The following SYT10 variants were observed in gnomAD, a reference collection of about 807,000 sequenced individuals.
The protein encoded by SYT10 is synaptotagmin 10, also known as synaptotagmin-10.
In SYT10, 31 loss-of-function variants were observed where a neutral mutation model predicts 51.1. The observed-to-expected ratio is 0.61, with a 90% CI of 0.46 to 0.82. SYT10 has a LOEUF of 0.82. SYT10 is among the 40% of genes least tolerant of loss of function. SYT10 has a pLI of 0.00. For missense variants in SYT10, 603 were observed against 634.0 expected (o/e 0.95, Z 0.53); for synonymous variants, 233 against 225.9 (o/e 1.03, Z -0.28).
At position 33,424,102 on chromosome 12, in the gene SYT10, C is replaced by T. The variant is rs149958506; in HGVS notation, c.509+2036G>A. 12 of 425,860 alleles carry T rather than the reference C, an allele frequency of 2.8e-5. 1 individual carries two copies. The highest frequency in any genetic ancestry group is 2.1e-4 in the African/African-American group (10 of 48,664). 26.4% of individuals were successfully genotyped at this position (425,860 alleles called of 1,614,324 possible). The stretch of plus-strand genomic sequence containing the variant: ...ATGTGTGTTGCAGTTTTTCCTCTTA[C>T]AAAATATCAGATATATACAATCTAA... On this transcript the variant is annotated intron_variant, in intron 2 of 6. Transcript: ENST00000228567.
At position 33,406,994 on chromosome 12, in the gene SYT10, G is replaced by A. The variant is rs1460713232; in HGVS notation, c.872C>T (p.Thr291Ile). Residue 291 changes from threonine to isoleucine, a missense_variant, in exon 3 of 7, where the codon ACT becomes ATT. By Grantham distance (89) the Thr-to-Ile change is moderately conservative. Coordinates refer to ENST00000228567, the MANE Select transcript of SYT10 (RefSeq NM_198992.4). ...AGTTTCATCAAATAGAGGATTTAAAGTCTTTCTGTGCACGCGGGTCTGAAA... is the reference window on the plus strand; with the variant it reads ...AGTTTCATCAAATAGAGGATTTAAAATCTTTCTGTGCACGCGGGTCTGAAA... Reference protein sequence around the residue: ...KKFQTRVHRKTLNPLFDETFQ... With the variant: ...KKFQTRVHRKILNPLFDETFQ... The A allele has an allele frequency of 3.7e-6, 6 of 1,614,038 alleles. No homozygotes were observed. The highest frequency in any genetic ancestry group is 5.1e-6 in the Non-Finnish European group (6 of 1,180,038).
chr12:33,427,002 T>A (rs1299364048), intron 1 of SYT10, among the ~76,000 whole-genome samples: 3 of 152,204 alleles, frequency 2.0e-5, no homozygotes. Flanking sequence ...TTAGTTACAT[T>A]TTTCAACCTC....
intron 1 of SYT10, among the ~76,000 whole-genome samples, chr12:33,437,786 C>T (rs989129017): frequency 6.6e-6 from 1 of 152,084 alleles, no homozygotes; most frequent in African/African-American, 2.4e-5. Context: ...TGAGGTCACA[C>T]TATTCTGGTC....
chr12:33,392,884 G>A (rs1378202340), intron 3 of SYT10, among the ~76,000 whole-genome samples: 1 of 141,772 alleles, frequency 7.1e-6, no homozygotes, highest in Non-Finnish European at 1.5e-5. Context: ...CACTGTTTAA[G>A]AATGCCCACG....
intron 1 of SYT10, among the ~76,000 whole-genome samples, chr12:33,439,111 G>A (rs1866661724): frequency 6.6e-6 from 1 of 152,220 alleles, no homozygotes; most frequent in South Asian, 2.1e-4. Flanking sequence ...CGGCGAGGCT[G>A]GGAGCGGGAG....
chr12:33,393,233 T>G (rs1255896025), intron 3 of SYT10, among the ~76,000 whole-genome samples: 1 of 152,066 alleles, frequency 6.6e-6, no homozygotes, highest in African/African-American at 2.4e-5. Context: ...ACATAGATAC[T>G]GAGACAAGTG....
At chr12:33,406,600 T>C (rs151316189) in intron 3 of SYT10, among the ~76,000 whole-genome samples, 189 bp downstream of exon 3, 1 of 152,276 alleles carries the variant, frequency 6.6e-6, no homozygotes, top group African/African-American at 2.4e-5. Flanking sequence ...ACACAATCAC[T>C]AGGGTTACTA....
chr12:33,394,912 C>T (rs1041981435), intron 3 of SYT10, among the ~76,000 whole-genome samples: 1 of 152,148 alleles, frequency 6.6e-6, no homozygotes, highest in South Asian at 2.1e-4. Flanking sequence ...ATGGTGAAAC[C>T]CTGTCTCTAC....
At chr12:33,393,667 T>C (rs1490727577) in intron 3 of SYT10, among the ~76,000 whole-genome samples, 1 of 152,134 alleles carries the variant, frequency 6.6e-6, no homozygotes, top group Non-Finnish European at 1.5e-5. Context: ...TAGCCTCAAA[T>C]GTCACTCAGA....
At chr12:33,429,863 T>C (rs1866582758) in intron 1 of SYT10, among the ~76,000 whole-genome samples, 1 of 152,070 alleles carries the variant, frequency 6.6e-6, no homozygotes, top group Non-Finnish European at 1.5e-5. Context: ...TAAGTTGAAG[T>C]AGAGAAGATC....
At chr12:33,435,467 G>C (rs1472142792) in intron 1 of SYT10, among the ~76,000 whole-genome samples, 1 of 152,180 alleles carries the variant, frequency 6.6e-6, no homozygotes, top group Non-Finnish European at 1.5e-5. Context: ...CCACTCTTCA[G>C]TGGAGTGACA....
intron 2 of SYT10, among the ~76,000 whole-genome samples, chr12:33,413,396 TTGAAA>T (rs1476174698): frequency 1.3e-5 from 2 of 151,866 alleles, no homozygotes; most frequent in African/African-American, 4.8e-5. Flanking sequence ...TTCACCAAAG[TTGAAA>T]TGAAGGAAAA....
chr12:33,425,492 C>T (rs930335249), intron 2 of SYT10, among the ~76,000 whole-genome samples: 2 of 152,120 alleles, frequency 1.3e-5, no homozygotes, highest in African/African-American at 2.4e-5. Context: ...AAATGTATTT[C>T]CTTAAGGAAG....
rs534624987 is a variant in SYT10 at position 33,391,587 on chromosome 12, T to C, written c.1078-6296A>G. ...CTCTCCTCAGGAGCACATAATCAAA[T>C]CACCTCTGACTGTCTCTGCAGTCAG... On this transcript the variant is annotated intron_variant, in intron 3 of 6. Transcript: ENST00000228567. 2.0e-5 allele frequency among the ~76,000 whole-genome samples: 3 copies of C among 152,230 alleles called. No individual in the cohort carries two copies. The East Asian group carries it at 5.8e-4, about 30-fold the overall frequency.
intron 2 of SYT10, 59 bp downstream of exon 2, chr12:33,426,079 C>T: frequency 6.8e-7 from 1 of 1,467,944 alleles, no homozygotes; most frequent in Non-Finnish European, 9.2e-7. Context: ...CACACACACA[C>T]ACACACACAC....
intron 3 of SYT10, among the ~76,000 whole-genome samples, chr12:33,388,323 C>T (rs1399233145): frequency 6.6e-6 from 1 of 152,056 alleles, no homozygotes; most frequent in African/African-American, 2.4e-5. Context: ...AAAATAGAGA[C>T]ATGTGCACTA....
chr12:33,377,577 A>G (rs1198374872), intron 6 of SYT10, among the ~76,000 whole-genome samples: 1 of 152,086 alleles, frequency 6.6e-6, no homozygotes, highest in South Asian at 2.1e-4. Context: ...TTTAATTACA[A>G]CAAAACAAAT....
chr12:33,424,085 T>C (rs1421856987), intron 2 of SYT10: 1 of 440,868 alleles, frequency 2.3e-6, no homozygotes, highest in Non-Finnish European at 4.5e-6. Flanking sequence ...GAATGTGTGT[T>C]GCAGTTTTTC....
chr12:33,417,911 G>C (rs1565497608), intron 2 of SYT10, among the ~76,000 whole-genome samples: 1 of 152,198 alleles, frequency 6.6e-6, no homozygotes, highest in Non-Finnish European at 1.5e-5. Flanking sequence ...CAATGGATTG[G>C]AGGTTTTGGT....
Sources: gnomAD v4.1 joint callset for allele counts (sites outside exome capture counted in the v4.1 genomes callset) on GRCh38, gnomAD v4.1.1 for gene constraint, MANE v1.5 for transcripts, NCBI Gene and HGNC (gene_info 2026-07-23, HGNC 2026-07-21) for gene names.